NKAIN2: variants seen among roughly 807,000 people sequenced by gnomAD.
NKAIN2 encodes sodium/potassium transporting ATPase interacting 2.
Under a neutral mutation model 32.6 loss-of-function variants are expected in NKAIN2, and 14 were observed. The ratio of observed to expected loss-of-function variants is 0.43; its 90% CI spans 0.28 to 0.67. The LOEUF (loss-of-function observed/expected upper bound fraction) is 0.67. NKAIN2 is among the 30% of genes least tolerant of loss of function. The pLI is 0.17. For synonymous variants in NKAIN2, 80 were observed against 87.2 expected (o/e 0.92, Z 0.46); for missense variants, 198 against 258.3 (o/e 0.77, Z 1.60).
intron 3 of NKAIN2, among the ~76,000 whole-genome samples, chr6:124,570,188 C>G (rs1442918884): frequency 6.6e-6 from 1 of 152,082 alleles, no homozygotes; most frequent in African/African-American, 2.4e-5. Flanking sequence ...GACTTGGGTG[C>G]TGTTAAAAGT....
At chr6:123,829,530 A>C (rs182624092) in intron 1 of NKAIN2, among the ~76,000 whole-genome samples, 4 of 152,226 alleles carry the variant, frequency 2.6e-5, no homozygotes, top group Admixed American at 2.6e-4. Context: ...TTAATTCTCA[A>C]CTTTACTTTG....
intron 1 of NKAIN2, among the ~76,000 whole-genome samples, chr6:123,865,339 T>C (rs546102324): frequency 6.6e-6 from 1 of 152,188 alleles, no homozygotes; most frequent in Non-Finnish European, 1.5e-5. Context: ...ACTATATTGG[T>C]GCAAAATATC....
intron 4 of NKAIN2, among the ~76,000 whole-genome samples, chr6:124,683,741 G>A (rs898221569): frequency 6.6e-6 from 1 of 152,138 alleles, no homozygotes; most frequent in Non-Finnish European, 1.5e-5. Flanking sequence ...CATAAGCATT[G>A]GCTTCAAATG....
rs79466272 is a variant in NKAIN2, at chr6:124,118,125, A to G, written c.55-164880A>G. On this transcript the variant is annotated intron_variant, in intron 1 of 6. Coordinates refer to ENST00000368417, the MANE Select transcript of NKAIN2 (RefSeq NM_001040214.3). The stretch of plus-strand genomic sequence containing the variant: ...TGGGGATAAGGCATGATGCTATCAT[A>G]GGAATAGATTCTTGTCACAAGGGCA... 3.8e-3 allele frequency among the ~76,000 whole-genome samples: 580 copies of G among 152,258 alleles called. 3 individuals carry two copies. Among genetic ancestry groups the G allele is most frequent in the African/African-American group, 0.013 (542 of 41,574 alleles).
intron 3 of NKAIN2, among the ~76,000 whole-genome samples, chr6:124,503,440 T>C (rs1328484358): frequency 6.6e-6 from 1 of 152,246 alleles, no homozygotes; most frequent in Admixed American, 6.5e-5. Context: ...ATGTGAAATA[T>C]AGCCCGAAAG....
intron 1 of NKAIN2, among the ~76,000 whole-genome samples, chr6:124,079,512 T>C (rs964542380): frequency 6.6e-6 from 1 of 152,170 alleles, no homozygotes; most frequent in Non-Finnish European, 1.5e-5. Flanking sequence ...TCTGTGTGTT[T>C]GTGTGAGTTT....
rs185068747 is a variant in NKAIN2 at position 123,838,285 on chromosome 6, A to T, written c.54+34031A>T. ...CCTTTTAGTTTCTAATATACATGGAAACTTAACCGAAAGGGTTTTGAAAGC... is the reference window on the plus strand; with the variant it reads ...CCTTTTAGTTTCTAATATACATGGATACTTAACCGAAAGGGTTTTGAAAGC... On this transcript the variant is annotated intron_variant, in intron 1 of 6. Coordinates refer to ENST00000368417, the MANE Select transcript of NKAIN2 (RefSeq NM_001040214.3). 9.2e-5 allele frequency among the ~76,000 whole-genome samples: 14 copies of T among 152,226 alleles called. No homozygotes were observed. In the East Asian group the frequency reaches 2.7e-3, roughly 29 times the overall value.
At chr6:124,224,491 G>A (rs567243532) in intron 1 of NKAIN2, among the ~76,000 whole-genome samples, 1 of 152,096 alleles carries the variant, frequency 6.6e-6, no homozygotes, top group Non-Finnish European at 1.5e-5. Context: ...CTAGATGCTG[G>A]TAAGCAAACT....
rs911008803 is a variant in NKAIN2 at position 124,004,011 on chromosome 6, G to T, written c.54+199757G>T. On this transcript the variant is annotated intron_variant, in intron 1 of 6. Transcript: ENST00000368417. ...GCACAAAGAGAACATTTGGATTTTT[G>T]TGTGCATGTTCCATAATTTGTCTGG... Among the ~76,000 whole-genome samples, 5 of 152,320 alleles carry T rather than the reference G, an allele frequency of 3.3e-5. No homozygotes were observed. In the South Asian group the frequency reaches 1.0e-3, roughly 32 times the overall value.
At chr6:124,517,999 A>G (rs1194995104) in intron 3 of NKAIN2, among the ~76,000 whole-genome samples, 1 of 152,130 alleles carries the variant, frequency 6.6e-6, no homozygotes, top group Non-Finnish European at 1.5e-5. Flanking sequence ...TGAAATAAAT[A>G]TACTCAAAAT....
intron 1 of NKAIN2, among the ~76,000 whole-genome samples, chr6:124,196,772 CATAAT>C (rs1383460928): frequency 1.3e-5 from 2 of 151,934 alleles, no homozygotes; most frequent in Non-Finnish European, 2.9e-5. Context: ...TAATATAAAA[CATAAT>C]ATATTTGTAT....
intron 1 of NKAIN2, among the ~76,000 whole-genome samples, chr6:124,172,865 T>C (rs188463952): frequency 9.9e-5 from 15 of 152,284 alleles, no homozygotes; most frequent in African/African-American, 3.4e-4. Context: ...TAATATGTAG[T>C]GTGGGAATAG....
At chr6:123,993,026 G>A (rs575240913) in intron 1 of NKAIN2, among the ~76,000 whole-genome samples, 20 of 151,894 alleles carry the variant, frequency 1.3e-4, no homozygotes, top group Middle Eastern at 3.4e-3. Flanking sequence ...ATTCCTATCT[G>A]GTAAAACAAT....
At chr6:124,748,709 T>C (rs1008479955) in intron 4 of NKAIN2, among the ~76,000 whole-genome samples, 2 of 151,894 alleles carry the variant, frequency 1.3e-5, no homozygotes, top group African/African-American at 2.4e-5. Context: ...CTAAAGACAC[T>C]GGGTTTTGTG....
intron 1 of NKAIN2, among the ~76,000 whole-genome samples, chr6:123,979,833 C>A (rs1033192936): frequency 2.0e-5 from 3 of 152,120 alleles, no homozygotes; most frequent in African/African-American, 7.2e-5. Flanking sequence ...GAGGACAAGA[C>A]AATAAAATCT....
At chr6:124,085,490 C>A (rs1784154847) in intron 1 of NKAIN2, among the ~76,000 whole-genome samples, 1 of 151,344 alleles carries the variant, frequency 6.6e-6, no homozygotes, top group Non-Finnish European at 1.5e-5. Context: ...CAAAGTTAGA[C>A]TTCGGCTCAA....
At position 124,759,588 on chromosome 6, in the gene NKAIN2, AACACAC is replaced by A. The variant is rs542448143; in HGVS notation, c.475-31688_475-31683del. Among the ~76,000 whole-genome samples, 780 of 84,478 alleles carry A rather than the reference AACACAC, an allele frequency of 9.2e-3. 17 individuals are homozygous for A. Among genetic ancestry groups the A allele is most frequent in the African/African-American group, 0.025 (479 of 18,914 alleles). 55.4% of individuals were successfully genotyped at this position (84,478 alleles called of 152,430 possible). The stretch of plus-strand genomic sequence containing the variant: ...CCCTAGCCACCCTGTCTGAAATTGC[AACACAC>A]ACACACACACACACACACACACACA... On this transcript the variant is annotated intron_variant, in intron 4 of 6. Transcript: ENST00000368417.
intron 4 of NKAIN2, among the ~76,000 whole-genome samples, chr6:124,672,344 T>C (rs1315872508): frequency 6.6e-6 from 1 of 152,054 alleles, no homozygotes; most frequent in African/African-American, 2.4e-5. Flanking sequence ...GTGGGAATTG[T>C]TGTCATCTCT....
chr6:124,136,026 A>C (rs1343956302), intron 1 of NKAIN2, among the ~76,000 whole-genome samples: 1 of 152,144 alleles, frequency 6.6e-6, no homozygotes, highest in East Asian at 1.9e-4. Flanking sequence ...AGCAATAACA[A>C]AGATCAGAGC....
Sources: gnomAD v4.1 joint callset for allele counts (sites outside exome capture counted in the v4.1 genomes callset) on GRCh38, gnomAD v4.1.1 for gene constraint, MANE v1.5 for transcripts, NCBI Gene and HGNC (gene_info 2026-07-23, HGNC 2026-07-21) for gene names.